SLC38A12: variants seen among roughly 807,000 people sequenced by gnomAD.
SLC38A12 encodes the protein putative sodium-coupled neutral amino acid transporter 12.
the SLC38A12 span, chr17:74,776,522 C>G: frequency 6.6e-6 from 1 of 152,182 alleles, no homozygotes; most frequent in Non-Finnish European, 1.5e-5. Context: ...GGACAGCTGG[C>G]GCCGGCAGCA....
the SLC38A12 span, among the ~76,000 whole-genome samples, chr17:74,834,261 G>T: frequency 6.6e-6 from 1 of 152,116 alleles, no homozygotes; most frequent in East Asian, 1.9e-4. Flanking sequence ...GAACTAGGTC[G>T]CCGCTTCCGC....
chr17:74,826,294 C>T, the SLC38A12 span, among the ~76,000 whole-genome samples: 2 of 152,202 alleles, frequency 1.3e-5, no homozygotes, highest in African/African-American at 4.8e-5. Flanking sequence ...TGCCCTTCAC[C>T]AGGCTGCTGC....
At chr17:74,788,960 T>C in the SLC38A12 span, 1 of 1,188,766 alleles carries the variant, frequency 8.4e-7, no homozygotes, top group Non-Finnish European at 1.2e-6. Flanking sequence ...TTCCTCTCAG[T>C]GCATGGCGGG....
At chr17:74,783,722 T>A in the SLC38A12 span, among the ~76,000 whole-genome samples, 2 of 16,630 alleles carry the variant, frequency 1.2e-4, no homozygotes, top group South Asian at 3.1e-3. Context: ...ATGCTTTTTC[T>A]TTTTTTTTTT....
At chr17:74,799,477 A>ATCCAC in the SLC38A12 span, among the ~76,000 whole-genome samples, 1 of 152,140 alleles carries the variant, frequency 6.6e-6, no homozygotes, top group Non-Finnish European at 1.5e-5. Flanking sequence ...GGCACAGGTG[A>ATCCAC]CTCAGGAGAG....
chr17:74,838,965 G>A, the SLC38A12 span: 2 of 1,535,728 alleles, frequency 1.3e-6, no homozygotes, highest in South Asian at 2.4e-5. Flanking sequence ...TGTCGTTGTG[G>A]AGGAAAGCTT....
At chr17:74,824,097 G>A in the SLC38A12 span, among the ~76,000 whole-genome samples, 1 of 152,184 alleles carries the variant, frequency 6.6e-6, no homozygotes, top group East Asian at 1.9e-4. Flanking sequence ...GCTACCTCAA[G>A]AGAGCAGGCC....
chr17:74,819,736 T>C, the SLC38A12 span: 1 of 1,613,878 alleles, frequency 6.2e-7, no homozygotes, highest in South Asian at 1.1e-5. Flanking sequence ...CTCACTCTTG[T>C]TTCCATCCCC....
chr17:74,828,476 C>A, the SLC38A12 span, among the ~76,000 whole-genome samples: 1 of 152,172 alleles, frequency 6.6e-6, no homozygotes, highest in Non-Finnish European at 1.5e-5. Context: ...TCCTCATACT[C>A]CTCATCCCTT....
the SLC38A12 span, among the ~76,000 whole-genome samples, chr17:74,817,911 C>T: frequency 1.3e-4 from 20 of 152,246 alleles, no homozygotes; most frequent in Middle Eastern, 3.4e-3. Context: ...AAGTCAGAGG[C>T]GAACTACCCA....
chr17:74,823,397 G>C, the SLC38A12 span, among the ~76,000 whole-genome samples: 2 of 152,238 alleles, frequency 1.3e-5, no homozygotes, highest in Non-Finnish European at 2.9e-5. Context: ...AGGAGCCTTC[G>C]GGCCAGCTCC....
the SLC38A12 span, chr17:74,789,021 T>C: frequency 1.5e-6 from 1 of 647,692 alleles, no homozygotes; most frequent in Non-Finnish European, 2.5e-6. Flanking sequence ...TGAAGCTTAA[T>C]AGCCACCTAA....
At chr17:74,786,911 T>C in the SLC38A12 span, among the ~76,000 whole-genome samples, 1 of 152,146 alleles carries the variant, frequency 6.6e-6, no homozygotes, top group African/African-American at 2.4e-5. Context: ...TGGGAAGTGA[T>C]CATTCTGGGC....
At chr17:74,820,969 C>T in the SLC38A12 span, among the ~76,000 whole-genome samples, 1 of 152,206 alleles carries the variant, frequency 6.6e-6, no homozygotes, top group Non-Finnish European at 1.5e-5. Flanking sequence ...CCTCTGTACA[C>T]GGCAGTCTTG....
At chr17:74,836,388 G>A in the SLC38A12 span, 24 of 1,611,762 alleles carry the variant, frequency 1.5e-5, no homozygotes, top group East Asian at 2.0e-4. This position sits in a 1 kb window ranked among gnomAD's most constrained non-coding sequence, Gnocchi z 4.2. Context: ...GGTGGACCGC[G>A]TCGTGTTTCC....
chr17:74,802,653 A>C, the SLC38A12 span, among the ~76,000 whole-genome samples: 1 of 152,154 alleles, frequency 6.6e-6, no homozygotes, highest in Admixed American at 6.5e-5. Context: ...TCTGCATTAT[A>C]CTCACAGTAG....
the SLC38A12 span, chr17:74,836,402 C>T: frequency 2.5e-6 from 4 of 1,611,298 alleles, no homozygotes; most frequent in African/African-American, 5.3e-5. This position sits in a 1 kb window ranked among gnomAD's most constrained non-coding sequence, Gnocchi z 4.2. Context: ...TGTTTCCCAC[C>T]ATCACCCTGG....
the SLC38A12 span, among the ~76,000 whole-genome samples, chr17:74,834,841 C>A: frequency 1.1e-4 from 16 of 152,228 alleles, no homozygotes; most frequent in Non-Finnish European, 2.1e-4. Context: ...AGCTTCAGAA[C>A]AGACACGGAC....
chr17:74,818,740 C>G, the SLC38A12 span, among the ~76,000 whole-genome samples: 1 of 152,214 alleles, frequency 6.6e-6, no homozygotes, highest in Admixed American at 6.5e-5. Context: ...TAAAATGGCA[C>G]TGTGTAAATG....
Sources: allele counts gnomAD v4.1 joint callset (sites outside exome capture counted in the v4.1 genomes callset), GRCh38; gene constraint gnomAD v4.1.1; non-coding constraint Gnocchi (gnomAD v3.1); transcripts MANE v1.5; gene names NCBI Gene and HGNC (gene_info 2026-07-23, HGNC 2026-07-21).